Variants in RABGAP1 observed in about 807,000 individuals in gnomAD.
RABGAP1 encodes rab GTPase-activating protein 1.
RABGAP1 carries 23 observed loss-of-function variants against 137.6 expected under a neutral mutation model. The observed-to-expected ratio is 0.17, with a 90% CI of 0.12 to 0.24. RABGAP1 has a LOEUF of 0.24. Ranked by LOEUF, RABGAP1 falls within the 10% of genes least tolerant of loss-of-function variation. The pLI, the probability that RABGAP1 is intolerant of heterozygous loss-of-function variation, is 1.00. For missense variants in RABGAP1, 906 were observed against 1,275.8 expected (o/e 0.71, Z 4.42); for synonymous variants, 451 against 450.7 (o/e 1.00, Z -0.01).
intron 10 of RABGAP1, among the ~76,000 whole-genome samples, chr9:123,001,603 G>A (rs1157770671): frequency 6.6e-6 from 1 of 152,178 alleles, no homozygotes; most frequent in Admixed American, 6.5e-5. Flanking sequence ...AGCAGGAGCA[G>A]AGATTAGGGG....
intron 13 of RABGAP1, among the ~76,000 whole-genome samples, chr9:123,041,811 A>G (rs1162623609): frequency 1.3e-5 from 2 of 152,236 alleles, no homozygotes; most frequent in Non-Finnish European, 2.9e-5. Context: ...TGGATTGCTA[A>G]GATGTCCCTA....
intron 12 of RABGAP1, among the ~76,000 whole-genome samples, chr9:123,018,253 C>T (rs761945076): frequency 1.2e-4 from 19 of 152,084 alleles, no homozygotes; most frequent in African/African-American, 4.3e-4. Flanking sequence ...TTTAATATGA[C>T]TGTTAATGGA....
Position 122,994,152 on chromosome 9 carries a change from A to G in RABGAP1, c.924-1889A>G, listed in dbSNP as rs532639983. Reference sequence around the variant, plus strand: ...ATAGAAATTAAATACTAAATTCCCTACTTGGATACATTCACATGATGTAGT... The same window carrying G: ...ATAGAAATTAAATACTAAATTCCCTGCTTGGATACATTCACATGATGTAGT... On this transcript the variant is annotated intron_variant, in intron 6 of 25. Transcript: ENST00000373647. Among the ~76,000 whole-genome samples the G allele has an allele frequency of 5.9e-5, 9 of 152,306 alleles. No individual in the cohort carries two copies. The South Asian group carries it at 1.9e-3, about 32-fold the overall frequency.
chr9:122,953,143 A>G (rs1225393533), intron 1 of RABGAP1, among the ~76,000 whole-genome samples: 1 of 152,254 alleles, frequency 6.6e-6, no homozygotes, highest in Non-Finnish European at 1.5e-5. Context: ...GACATAAGCC[A>G]AGAAGTAGAG....
intron 15 of RABGAP1, among the ~76,000 whole-genome samples, chr9:123,071,194 T>C (rs1448213056): frequency 6.6e-6 from 1 of 152,228 alleles, no homozygotes; most frequent in African/African-American, 2.4e-5. Context: ...ACATTCAATT[T>C]TCTCCCAATT....
intron 19 of RABGAP1, among the ~76,000 whole-genome samples, chr9:123,078,904 C>CTGGCTCTTCT (rs2034608864): frequency 6.6e-6 from 1 of 152,202 alleles, no homozygotes; most frequent in Admixed American, 6.5e-5. Flanking sequence ...TTCTCTATCG[C>CTGGCTCTTCT]ATGTCTCCTT....
chr9:122,996,239 AT>A, intron 7 of RABGAP1, 88 bp downstream of exon 7: 1 of 1,463,764 alleles, frequency 6.8e-7, no homozygotes. Flanking sequence ...TAAAAAATGT[AT>A]TTCCAAAGAA....
At chr9:122,999,178 G>GT (rs1353079990) in intron 10 of RABGAP1, among the ~76,000 whole-genome samples, 1 of 151,232 alleles carries the variant, frequency 6.6e-6, no homozygotes, top group Non-Finnish European at 1.5e-5. Context: ...TGTTGTTGTT[G>GT]TTGTTTGTTT....
At chr9:122,983,047 TG>T (rs1295167189) in intron 2 of RABGAP1, among the ~76,000 whole-genome samples, 2 of 151,726 alleles carry the variant, frequency 1.3e-5, no homozygotes, top group Admixed American at 1.3e-4. Flanking sequence ...TTTGTGTTTT[TG>T]GTAGAGATGG....
At chr9:122,990,346 G>C (rs893168331) in intron 6 of RABGAP1, 133 bp downstream of exon 6, 1 of 718,812 alleles carries the variant, frequency 1.4e-6, no homozygotes, top group Non-Finnish European at 2.0e-6. Context: ...GGATGATAAA[G>C]GCATATAAAT....
In RABGAP1 at chr9:122,978,581, G is replaced by A. The variant is rs1021538040; in HGVS notation, c.151-5904G>A. On this transcript the variant is annotated intron_variant, in intron 2 of 25. Coordinates refer to ENST00000373647, the MANE Select transcript of RABGAP1 (RefSeq NM_012197.4). ...GCCCAGAAGTTTGAGGCTGCAGTGA[G>A]CTATGATCGTGCCACTCTCCTGCAG... Among the ~76,000 whole-genome samples the A allele has an allele frequency of 2.6e-5, 4 of 152,250 alleles. No homozygotes were observed. In the East Asian group the frequency reaches 7.7e-4, roughly 29 times the overall value.
intron 19 of RABGAP1, among the ~76,000 whole-genome samples, chr9:123,085,428 G>T (rs577366187): frequency 2.0e-5 from 3 of 152,146 alleles, no homozygotes; most frequent in African/African-American, 4.8e-5. Flanking sequence ...ATACAGTGGG[G>T]TATAAGGTTG....
chr9:122,989,073 G>T, intron 4 of RABGAP1, among the ~76,000 whole-genome samples: 1 of 151,334 alleles, frequency 6.6e-6, no homozygotes, highest in African/African-American at 2.4e-5. Context: ...CTTTCTGTTT[G>T]CCTCCCTAAA....
intron 13 of RABGAP1, among the ~76,000 whole-genome samples, chr9:123,024,169 G>C (rs1282837090): frequency 6.6e-6 from 1 of 152,108 alleles, no homozygotes; most frequent in Non-Finnish European, 1.5e-5. Flanking sequence ...TTCCCGTTTT[G>C]CTTTTTAAAG....
chr9:122,966,840 A>G (rs1835180453), intron 2 of RABGAP1, among the ~76,000 whole-genome samples: 2 of 152,216 alleles, frequency 1.3e-5, no homozygotes, highest in Admixed American at 1.3e-4. Flanking sequence ...AGGAGGAGGA[A>G]GTCATGTCTT....
rs747559861 is a variant in RABGAP1 at position 122,984,595 on chromosome 9, A to G, written c.261A>G (p.Gln87=). 2.5e-6 allele frequency: 4 copies of G among 1,614,082 alleles called. No homozygotes were observed. Among genetic ancestry groups the G allele is most frequent in the South Asian group, 1.1e-5 (1 of 91,084 alleles). ...AAAAGGAGCTTGTGAAAAGGTCACA[A>G]CTGGATGGTGAAGGAGATGGGCCTC... ...PGEKELVKRS[Q]LDGEGDGPLS... Residue 87 remains glutamine, a synonymous_variant, in exon 3 of 26, where the codon CAA becomes CAG. Coordinates refer to ENST00000373647, the MANE Select transcript of RABGAP1 (RefSeq NM_012197.4).
intron 13 of RABGAP1, among the ~76,000 whole-genome samples, chr9:123,053,966 A>G (rs866289586): frequency 9.2e-5 from 14 of 152,208 alleles, no homozygotes; most frequent in African/African-American, 1.9e-4. Context: ...CAGTGAGCCA[A>G]TTCTCACAGT....
intron 9 of RABGAP1, 49 bp from the exon 10 acceptor site, chr9:122,998,548 T>A: frequency 7.6e-7 from 1 of 1,318,808 alleles, no homozygotes. Flanking sequence ...TGAGCAAATA[T>A]ATTTGTGTTT....
intron 10 of RABGAP1, among the ~76,000 whole-genome samples, chr9:123,006,671 G>A (rs1330789583): frequency 2.0e-5 from 3 of 152,056 alleles, no homozygotes; most frequent in Admixed American, 1.3e-4. Flanking sequence ...GCAATGGTGC[G>A]ATCTTGGCTC....
Sources: gnomAD v4.1 joint callset for allele counts (sites outside exome capture counted in the v4.1 genomes callset) on GRCh38, gnomAD v4.1.1 for gene constraint, MANE v1.5 for transcripts, NCBI Gene and HGNC (gene_info 2026-07-23, HGNC 2026-07-21) for gene names.